The following KDM6A variants were observed in gnomAD, a reference collection of about 807,000 sequenced individuals.
The protein encoded by KDM6A is lysine demethylase 6A.
In KDM6A, 11 loss-of-function variants were observed where a neutral mutation model predicts 117.6. That is an observed-to-expected ratio of 0.09 (90% confidence interval 0.06 to 0.15). The LOEUF (loss-of-function observed/expected upper bound fraction) is 0.15, where lower values mean the gene tolerates loss of function less well. Among genes scored for constraint, KDM6A ranks in the 10% least tolerant of loss-of-function variants. KDM6A has a pLI of 1.00. For synonymous variants in KDM6A, 384 were observed against 396.1 expected, an observed-to-expected ratio of 0.97 and a Z score of 0.36; for missense variants, 799 against 1,077.3, an observed-to-expected ratio of 0.74 and a Z score of 3.62.
At chrX:44,882,592 A>C (rs2032415019) in intron 2 of KDM6A, among the ~76,000 whole-genome samples, 1 of 112,437 alleles carries the variant, frequency 8.9e-6, no homozygotes, top group Admixed American at 9.5e-5. Context: ...AATATGTGAC[A>C]CAAGAGGTAA....
At chrX:45,042,438 A>G (rs2043311723) in intron 8 of KDM6A, among the ~76,000 whole-genome samples, 1 of 111,248 alleles carries the variant, frequency 9.0e-6, no homozygotes, top group Admixed American at 9.5e-5. Context: ...TACACCAGTG[A>G]TTATAATATG....
intron 2 of KDM6A, among the ~76,000 whole-genome samples, chrX:44,887,062 A>G (rs1182071867): frequency 4.7e-5 from 5 of 107,280 alleles, no homozygotes; most frequent in African/African-American, 1.4e-4. Flanking sequence ...AGCTGGGACT[A>G]CAGGTGCATG....
At chrX:45,085,800 A>T (rs771273724) in intron 24 of KDM6A, 65 bp from the exon 25 acceptor site, 2 of 607,750 alleles carry the variant, frequency 3.3e-6, no homozygotes, top group Non-Finnish European at 5.7e-6. Context: ...TTTTTTCTGT[A>T]TAAGTACCGT....
chrX:44,984,868 T>C (rs1228793169), intron 4 of KDM6A, among the ~76,000 whole-genome samples: 1 of 111,754 alleles, frequency 8.9e-6, no homozygotes, highest in African/African-American at 3.3e-5. Flanking sequence ...TTTGTTCTTT[T>C]GGCTTAGGAT....
chrX:45,008,266 C>T (rs1194286088), intron 4 of KDM6A, among the ~76,000 whole-genome samples: 1 of 111,060 alleles, frequency 9.0e-6, no homozygotes, highest in African/African-American at 3.3e-5. Context: ...CCCAGCTGTT[C>T]AGGAGGCTGA....
intron 5 of KDM6A, among the ~76,000 whole-genome samples, chrX:45,016,717 C>G (rs768093362): frequency 4.0e-4 from 44 of 110,882 alleles, no homozygotes; most frequent in Non-Finnish European, 7.0e-4. Context: ...CCAGGATGGT[C>G]TCTATTTCTT....
At chrX:44,964,889 A>C (rs931219241) in intron 3 of KDM6A, among the ~76,000 whole-genome samples, 28 of 112,288 alleles carry the variant, frequency 2.5e-4, no homozygotes, top group Admixed American at 1.3e-3. Flanking sequence ...AAAGTCCTAC[A>C]TCTGAAAGTC....
chrX:45,072,868 T>C (rs982689683), intron 18 of KDM6A, among the ~76,000 whole-genome samples: 1 of 97,995 alleles, frequency 1.0e-5, no homozygotes, highest in Admixed American at 1.0e-4. Flanking sequence ...AATATAATAA[T>C]ATATATATAT....
At chrX:44,876,315 G>T (rs769257903) in intron 2 of KDM6A, among the ~76,000 whole-genome samples, 8 of 111,711 alleles carry the variant, frequency 7.2e-5, no homozygotes, top group Non-Finnish European at 1.1e-4. Context: ...ATATAACTTC[G>T]CACCCTCTGT....
At chrX:44,911,179 C>A (rs1476909874) in intron 2 of KDM6A, among the ~76,000 whole-genome samples, 2 of 109,499 alleles carry the variant, frequency 1.8e-5, no homozygotes, top group African/African-American at 6.6e-5. Flanking sequence ...GGCTGCCCCC[C>A]ACCTCCCGGA....
rs368704576 is a variant in KDM6A at position 45,043,382 on chromosome X, GGTTT to G, written c.654+5698_654+5701del. The stretch of plus-strand genomic sequence containing the variant: ...TGTTGAATTTAATAATAGGCATTTG[GGTTT>G]GTTTAATTTTAATGAGAGCTCATCC... On this transcript the variant is annotated intron_variant, in intron 8 of 29. Transcript: ENST00000611820. 1.5e-3 allele frequency among the ~76,000 whole-genome samples: 165 copies of G among 111,572 alleles called. 2 individuals are homozygous for G. The highest frequency in any genetic ancestry group is 5.0e-3 in the African/African-American group (152 of 30,683).
At chrX:44,900,044 G>A (rs1385607223) in intron 2 of KDM6A, among the ~76,000 whole-genome samples, 2 of 112,242 alleles carry the variant, frequency 1.8e-5, no homozygotes, top group Non-Finnish European at 3.8e-5. Context: ...TTTAAAGGAA[G>A]TAGATATTTA....
intron 3 of KDM6A, among the ~76,000 whole-genome samples, chrX:44,969,067 A>T (rs2039185514): frequency 9.0e-6 from 1 of 111,445 alleles, no homozygotes; most frequent in Non-Finnish European, 1.9e-5. Context: ...AAGGATAGAC[A>T]GTAAGAACTT....
At chrX:45,011,781 T>A (rs201955936) in intron 5 of KDM6A, among the ~76,000 whole-genome samples, 9,999 of 109,234 alleles carry the variant, frequency 0.092, 565 homozygotes, top group East Asian at 0.35. Flanking sequence ...TATTTATTTA[T>A]TTTATTTATT....
chrX:45,095,762 T>C (rs1485627282), intron 27 of KDM6A, among the ~76,000 whole-genome samples: 1 of 112,012 alleles, frequency 8.9e-6, no homozygotes, highest in Non-Finnish European at 1.9e-5. Flanking sequence ...CTACCCTTGG[T>C]AAGCCCAACA....
At chrX:45,078,539 CTCTT>C (rs746060717) in intron 20 of KDM6A, 34 bp downstream of exon 20, 4 of 1,129,002 alleles carry the variant, frequency 3.5e-6, no homozygotes, top group Non-Finnish European at 4.8e-6. Context: ...AAACGTTTGT[CTCTT>C]TGTTTTGCTA....
At chrX:44,929,270 G>A (rs758844190) in intron 2 of KDM6A, among the ~76,000 whole-genome samples, 1 of 104,857 alleles carries the variant, frequency 9.5e-6, no homozygotes, top group Admixed American at 1.0e-4. Flanking sequence ...TTCTTTGAAA[G>A]GGGTTGGGGA....
chrX:45,068,561 T>TAAA (rs779354016), intron 17 of KDM6A, among the ~76,000 whole-genome samples: 1 of 70,528 alleles, frequency 1.4e-5, no homozygotes, highest in African/African-American at 8.5e-5. Flanking sequence ...CCTTTTTTTT[T>TAAA]AAAAAAAAAA....
intron 2 of KDM6A, among the ~76,000 whole-genome samples, chrX:44,909,195 A>G (rs1431682626): frequency 1.8e-5 from 2 of 112,190 alleles, no homozygotes; most frequent in Admixed American, 1.9e-4. Flanking sequence ...ATGGAACCGT[A>G]TAATAGGTAC....
Sources: gnomAD v4.1 joint callset for allele counts (sites outside exome capture counted in the v4.1 genomes callset) on GRCh38, gnomAD v4.1.1 for gene constraint, MANE v1.5 for transcripts, NCBI Gene and HGNC (gene_info 2026-07-23, HGNC 2026-07-21) for gene names.